The following TCOF1 variants were observed in gnomAD, a reference collection of about 807,000 sequenced individuals.
TCOF1 encodes the protein treacle ribosome biogenesis factor 1.
In TCOF1, 33 loss-of-function variants were observed where a neutral mutation model predicts 149.0. That is an observed-to-expected ratio of 0.22 (90% CI 0.17 to 0.30). The LOEUF is 0.30. Ranked by LOEUF, TCOF1 falls within the 10% of genes least tolerant of loss-of-function variation. The pLI, the probability that TCOF1 is intolerant of heterozygous loss-of-function variation, is 1.00. For synonymous variants in TCOF1, 789 were observed against 738.8 expected (o/e 1.07, Z -1.10); for missense variants, 1,728 against 1,840.7 (o/e 0.94, Z 1.12).
intron 23 of TCOF1, chr5:150,394,626 A>C (rs930730856): frequency 3.9e-5 from 6 of 152,292 alleles, no homozygotes; most frequent in African/African-American, 1.4e-4. Flanking sequence ...GATAAGCAGC[A>C]GAAAAGTGGG....
At chr5:150,367,742 C>A in intron 3 of TCOF1, 102 bp from the exon 4 acceptor site, 1 of 1,359,660 alleles carries the variant, frequency 7.4e-7, no homozygotes, top group Non-Finnish European at 1.0e-6. Context: ...CAGCACCAGG[C>A]AGCCAATACC....
rs1039392311 is a variant in TCOF1 at position 150,382,982 on chromosome 5, G to A, written c.2859+3250G>A. On this transcript the variant is annotated intron_variant, in intron 17 of 26. Transcript: ENST00000643257. ...CCCCTGGAAACCAGAGTGCCTGAGG[G>A]TCATTGCCTACTGGCTGTTTCCCCC... 42 of 1,178,508 alleles carry A rather than the reference G, an allele frequency of 3.6e-5. No homozygotes were observed. In the African/African-American group the frequency reaches 5.8e-4, roughly 16 times the overall value. 73.0% of individuals were successfully genotyped at this position (1,178,508 alleles called of 1,614,324 possible). A position where few individuals can be genotyped will look rare whatever the true frequency, so the allele number is the denominator to read the frequency against.
intron 17 of TCOF1, chr5:150,380,136 A>G (rs905704867): frequency 8.1e-6 from 2 of 247,516 alleles, no homozygotes; most frequent in African/African-American, 4.5e-5. Flanking sequence ...TAAGGAAAAG[A>G]AAGGAAGGCC....
At chr5:150,363,380 G>A (rs1760609311) in intron 2 of TCOF1, among the ~76,000 whole-genome samples, 1 of 152,224 alleles carries the variant, frequency 6.6e-6, no homozygotes, top group African/African-American at 2.4e-5. Flanking sequence ...GGCCTAGACA[G>A]TGACTCCCTG....
At chr5:150,389,057 A>G (rs1179668908) in intron 18 of TCOF1, among the ~76,000 whole-genome samples, 1 of 152,250 alleles carries the variant, frequency 6.6e-6, no homozygotes, top group East Asian at 1.9e-4. Flanking sequence ...CCTGGGCAAC[A>G]TAGTGAGAGC....
At chr5:150,393,654 G>A in intron 23 of TCOF1, 102 bp downstream of exon 23, 2 of 1,486,792 alleles carry the variant, frequency 1.3e-6, no homozygotes, top group Non-Finnish European at 1.8e-6. Context: ...ACATGGTCCT[G>A]TCTGCCCCCA....
At position 150,361,070 on chromosome 5, in the gene TCOF1, A is replaced by C. The variant is rs1035414751; in HGVS notation, c.109-86A>C. 5.1e-6 allele frequency: 8 copies of C among 1,565,626 alleles called. No individual in the cohort carries two copies. In the Admixed American group the frequency reaches 6.7e-5, roughly 13 times the overall value. ...CTCTTCTGAACCACCTGTCTATACA[A>C]GTCATGAGTTTGGGGAGATCTGGGC... On this transcript the variant is annotated intron_variant, in intron 1 of 26. Transcript: ENST00000643257.
intron 1 of TCOF1, among the ~76,000 whole-genome samples, chr5:150,360,692 CAGGGCCAAGCAGACATACT>C (rs1426557434): frequency 5.3e-5 from 8 of 150,466 alleles, no homozygotes; most frequent in Non-Finnish European, 1.2e-4. Context: ...ACAGAACTGG[CAGGGCCAAGCAGACATACT>C]TCCCAGAGCA....
intron 1 of TCOF1, among the ~76,000 whole-genome samples, chr5:150,358,792 G>A (rs186687432): frequency 6.6e-6 from 1 of 152,130 alleles, no homozygotes; most frequent in Admixed American, 6.5e-5. Context: ...AGTCAAGATC[G>A]TGCCACTGCA....
chr5:150,392,879 G>A, intron 22 of TCOF1, 89 bp downstream of exon 22: 2 of 1,476,484 alleles, frequency 1.4e-6, no homozygotes, highest in Admixed American at 1.9e-5. Flanking sequence ...TCAGGTCAGG[G>A]GTCTGGGTCC....
chr5:150,395,284 C>A (rs1768228407), intron 23 of TCOF1, among the ~76,000 whole-genome samples: 1 of 152,212 alleles, frequency 6.6e-6, no homozygotes, highest in African/African-American at 2.4e-5. Flanking sequence ...CAGGCAAACA[C>A]CTCCAGGACC....
Position 150,375,762 on chromosome 5 carries a change from C to T in TCOF1, c.1746C>T (p.Ser582=), listed in dbSNP as rs1763631800. The T allele has an allele frequency of 1.2e-6, 2 of 1,614,280 alleles. No individual in the cohort carries two copies. Among genetic ancestry groups the T allele is most frequent in the Admixed American group, 3.3e-5 (2 of 60,036 alleles). Residue 582 remains serine (S), a synonymous_variant, in exon 12 of 27, where the codon TCC becomes TCT. Coordinates refer to ENST00000643257, the MANE Select transcript of TCOF1 (RefSeq NM_001371623.1). ...LGNILQAKPT[S]SPAKGPPQKA... The stretch of plus-strand genomic sequence containing the variant: ...ACATCCTCCAGGCCAAACCCACCTC[C>T]AGTCCTGCCAAGGGGCCCCCTCAGA...
Position 150,392,971 on chromosome 5 carries a change from C to T in TCOF1, c.3603+181C>T, listed in dbSNP as rs867780995. 10 of 721,104 alleles carry T rather than the reference C, an allele frequency of 1.4e-5. 1 individual carries two copies. The highest frequency in any genetic ancestry group is 3.2e-5 in the South Asian group (2 of 62,276). The allele number at this position is 721,104 out of a possible 1,614,324, so 44.7% of individuals were successfully genotyped here. On this transcript the variant is annotated intron_variant, in intron 22 of 26. Coordinates refer to ENST00000643257, the MANE Select transcript of TCOF1 (RefSeq NM_001371623.1). ...CAGCCAGCAGACCACAGCCAGGCTG[C>T]CTCCGTCCCCTCATAGAGCCCTGAG...
chr5:150,384,744 C>T, intron 17 of TCOF1: 1 of 985,510 alleles, frequency 1.0e-6, no homozygotes, highest in Non-Finnish European at 1.2e-6. Context: ...GGAAGACGGG[C>T]ATAGCCCGGG....
intron 25 of TCOF1, among the ~76,000 whole-genome samples, chr5:150,398,798 G>T (rs1387852396): frequency 1.3e-5 from 2 of 152,218 alleles, no homozygotes; most frequent in African/African-American, 4.8e-5. Context: ...CTGTCCTCAC[G>T]GCGCGGGGCC....
intron 14 of TCOF1, among the ~76,000 whole-genome samples, chr5:150,376,993 G>A (rs912515390): frequency 6.6e-6 from 1 of 152,166 alleles, no homozygotes; most frequent in Non-Finnish European, 1.5e-5. Flanking sequence ...GAGATAGAGG[G>A]TGTGAGCCTG....
chr5:150,389,825 C>G (rs572060078), intron 18 of TCOF1, 62 bp from the exon 19 acceptor site: 2 of 1,613,162 alleles, frequency 1.2e-6, no homozygotes, highest in African/African-American at 2.7e-5. Flanking sequence ...GGGTTATTGC[C>G]GCTGCTGAGG....
At position 150,392,758 on chromosome 5, in the gene TCOF1, T is replaced by G. The variant is rs1581207465; in HGVS notation, c.3571T>G (p.Ser1191Ala). ...ETLVEETAAE[S>A]SEDDVVAPSQ... The stretch of plus-strand genomic sequence containing the variant: ...CCTGGTGGAGGAGACCGCAGCAGAG[T>G]CCAGCGAGGATGATGTGGTGGCGCC... The change falls in exon 22 of 27, where the codon TCC becomes GCC. Residue 1191 changes from serine (S) to alanine (A), a missense_variant. Physicochemically the swap from Ser to Ala is moderately conservative, Grantham distance 99. Transcript: ENST00000643257. 6.2e-7 allele frequency: 1 copy of G among 1,613,762 alleles called. No individual in the cohort carries two copies. Among genetic ancestry groups the G allele is most frequent in the South Asian group, 1.1e-5 (1 of 91,068 alleles).
At position 150,396,807 on chromosome 5, in the gene TCOF1, C is replaced by G. The variant is rs771213540; in HGVS notation, c.4310C>G (p.Pro1437Arg). The G allele has an allele frequency of 6.2e-7, 1 of 1,608,690 alleles. No homozygotes were observed. Among genetic ancestry groups the G allele is most frequent in the Non-Finnish European group, 8.5e-7 (1 of 1,178,064 alleles). ...GTVEGGDQSNPKSKKEKKKSD... is the reference protein window; with the variant it reads ...GTVEGGDQSNRKSKKEKKKSD... Reference sequence around the variant, plus strand: ...GTTGAAGGTGGAGATCAAAGCAACCCAAAGAGCAAGAAGGAGAAGAAGAAA... The same window carrying G: ...GTTGAAGGTGGAGATCAAAGCAACCGAAAGAGCAAGAAGGAGAAGAAGAAA... The change falls in exon 24 of 27, where the codon CCA (proline) becomes CGA (arginine). Residue 1437 changes from proline to arginine, a missense_variant. Physicochemically the swap from Pro to Arg is moderately radical, Grantham distance 103. Coordinates refer to ENST00000643257, the MANE Select transcript of TCOF1 (RefSeq NM_001371623.1).
Sources: gnomAD v4.1 joint callset for allele counts (sites outside exome capture counted in the v4.1 genomes callset) on GRCh38, gnomAD v4.1.1 for gene constraint, MANE v1.5 for transcripts, NCBI Gene and HGNC (gene_info 2026-07-23, HGNC 2026-07-21) for gene names.